ENOSF1: variants seen among roughly 807,000 people sequenced by gnomAD.
The protein encoded by ENOSF1 is enolase superfamily member 1, also known as mitochondrial enolase superfamily member 1.
ENOSF1 carries 73 observed loss-of-function variants against 68.2 expected under a neutral mutation model. That is an observed-to-expected ratio of 1.07 (90% CI 0.89 to 1.30). ENOSF1 has a LOEUF of 1.30. Ranked by LOEUF, ENOSF1 falls within the 50% of genes most tolerant of loss-of-function variation. The pLI is 0.00. For synonymous variants in ENOSF1, 223 were observed against 210.4 expected, an observed-to-expected ratio of 1.06 and a Z score of -0.52; for missense variants, 589 against 554.5, an observed-to-expected ratio of 1.06 and a Z score of -0.62.
chr18:682,796 T>C (rs1164072351), intron 11 of ENOSF1, among the ~76,000 whole-genome samples: 1 of 149,444 alleles, frequency 6.7e-6, no homozygotes, highest in Admixed American at 6.7e-5. Flanking sequence ...GGCAGAAGAA[T>C]TGCTTGAACT....
chr18:703,724 T>A (rs2078618778), intron 2 of ENOSF1, among the ~76,000 whole-genome samples: 1 of 152,154 alleles, frequency 6.6e-6, no homozygotes, highest in Non-Finnish European at 1.5e-5. Context: ...TTGGACAGAG[T>A]GAAGTTACCC....
chr18:666,975 A>T (rs375198236), downstream of ENOSF1, among the ~76,000 whole-genome samples: 5,369 of 12,346 alleles, frequency 0.43, 679 homozygotes, highest in Non-Finnish European at 0.46. Flanking sequence ...ATGGTGATGG[A>T]GATGGAGATG....
chr18:689,784 G>A (rs1037924044), intron 8 of ENOSF1, among the ~76,000 whole-genome samples: 1 of 152,156 alleles, frequency 6.6e-6, no homozygotes, highest in Non-Finnish European at 1.5e-5. Flanking sequence ...GTGAACGAGA[G>A]AGCCCTGCTG....
At chr18:679,184 C>G (rs1242841243) in intron 11 of ENOSF1, among the ~76,000 whole-genome samples, 2 of 151,126 alleles carry the variant, frequency 1.3e-5, no homozygotes, top group Non-Finnish European at 2.9e-5. Flanking sequence ...CCCTGAGAAA[C>G]CTCCTTCTAG....
At chr18:690,784 A>G in intron 7 of ENOSF1, 153 bp from the exon 8 acceptor site, 1 of 1,488,360 alleles carries the variant, frequency 6.7e-7, no homozygotes, top group South Asian at 1.4e-5. Flanking sequence ...CTAGGATGTC[A>G]AACCCAGGTG....
chr18:702,281 A>C (rs1451438844), intron 2 of ENOSF1, among the ~76,000 whole-genome samples: 1 of 148,886 alleles, frequency 6.7e-6, no homozygotes, highest in Non-Finnish European at 1.5e-5. Flanking sequence ...AAAAAAAAAA[A>C]AAAAACCCAG....
At chr18:678,421 C>G (rs1045901413) in intron 12 of ENOSF1, 1 of 495,178 alleles carries the variant, frequency 2.0e-6, no homozygotes, top group African/African-American at 1.9e-5. Context: ...TCTGCCCTTG[C>G]AATAGCAACT....
intron 2 of ENOSF1, among the ~76,000 whole-genome samples, chr18:701,061 TGGAAGGACATTGA>T (rs1447102316): frequency 6.6e-6 from 1 of 152,072 alleles, no homozygotes; most frequent in Admixed American, 6.6e-5. Flanking sequence ...CCTCTAGCAC[TGGAAGGACATTGA>T]GTAAAGTCTG....
intron 2 of ENOSF1, among the ~76,000 whole-genome samples, chr18:700,580 T>C (rs1379816282): frequency 1.3e-5 from 2 of 152,124 alleles, no homozygotes; most frequent in African/African-American, 4.8e-5. Context: ...ATTTGTCGCA[T>C]TCAATAGAAA....
intron 9 of ENOSF1, chr18:688,335 A>T: frequency 1.9e-6 from 1 of 517,684 alleles, no homozygotes; most frequent in Admixed American, 3.2e-5. Context: ...TAGTGCCCGA[A>T]ATAAACAATC....
intron 1 of ENOSF1, chr18:712,218 C>G: frequency 4.1e-6 from 6 of 1,480,272 alleles, no homozygotes; most frequent in Non-Finnish European, 5.4e-6. Flanking sequence ...TACAATTGCT[C>G]CAAGGCATGA....
intron 14 of ENOSF1, chr18:675,636 C>G: frequency 1.9e-6 from 1 of 516,626 alleles, no homozygotes; most frequent in East Asian, 3.1e-5. Flanking sequence ...CGAAGTCCCT[C>G]TAGAGGTTTT....
At chr18:663,532 T>G in the ENOSF1 span, among the ~76,000 whole-genome samples, 1 of 88,900 alleles carries the variant, frequency 1.1e-5, no homozygotes, top group Non-Finnish European at 2.0e-5. Context: ...TAGATCCCAT[T>G]TGTCAATTTT....
chr18:678,740 A>G lies in ENOSF1; in HGVS notation c.877-3T>C. 1 of 1,614,192 alleles carries G rather than the reference A, an allele frequency of 6.2e-7. No individual in the cohort carries two copies. Among genetic ancestry groups the G allele is most frequent in the Non-Finnish European group, 8.5e-7 (1 of 1,180,002 alleles). On this transcript the variant is annotated splice_polypyrimidine_tract_variant and splice_region_variant and intron_variant, in intron 11 of 15. Transcript: ENST00000647584. ...CCAATTCCTAATGGGACCAGTGCCT[A>G]TAAAATAGAAGGCAGCCTGGTGTTA... is the stretch of plus-strand genomic sequence containing the variant.
At chr18:665,834 T>A (rs183742746), downstream of ENOSF1, among the ~76,000 whole-genome samples, 1 of 97,436 alleles carries the variant, frequency 1.0e-5, no homozygotes, top group Non-Finnish European at 1.9e-5. Context: ...TTTGAGTGAG[T>A]TTCTTAGTTC....
chr18:702,375 C>T (rs1280215551), intron 2 of ENOSF1, among the ~76,000 whole-genome samples: 4 of 151,374 alleles, frequency 2.6e-5, no homozygotes, highest in Non-Finnish European at 5.9e-5. Flanking sequence ...GAGTTTGAGA[C>T]CAGCCTGGCC....
intron 2 of ENOSF1, among the ~76,000 whole-genome samples, chr18:697,912 G>A (rs2741174): frequency 0.33 from 50,063 of 151,718 alleles, 8,482 homozygotes; most frequent in Non-Finnish European, 0.37. Context: ...TCCCACCTCA[G>A]CTTCTCGAGA....
At chr18:688,277 T>A in intron 9 of ENOSF1, 2 of 342,936 alleles carry the variant, frequency 5.8e-6, no homozygotes, top group Non-Finnish European at 1.1e-5. Context: ...ATGCAGAAAC[T>A]GAATCAACGC....
intron 2 of ENOSF1, among the ~76,000 whole-genome samples, chr18:705,705 T>C (rs1416698004): frequency 1.3e-5 from 2 of 151,410 alleles, no homozygotes; most frequent in Admixed American, 6.6e-5. Context: ...GGAAACCGAT[T>C]TGGTGTGAAA....
Sources: allele counts gnomAD v4.1 joint callset (sites outside exome capture counted in the v4.1 genomes callset), GRCh38; gene constraint gnomAD v4.1.1; transcripts MANE v1.5; gene names NCBI Gene and HGNC (gene_info 2026-07-23, HGNC 2026-07-21).